The following PTGR1 variants were observed in gnomAD, a reference collection of about 807,000 sequenced individuals.
The protein encoded by PTGR1 is 15-oxoprostaglandin 13-reductase.
In PTGR1, 23 loss-of-function variants were observed where a neutral mutation model predicts 37.7. The observed-to-expected ratio is 0.61, with a 90% CI of 0.44 to 0.86. The LOEUF is 0.86. Among genes scored for constraint, PTGR1 ranks in the 40% least tolerant of loss-of-function variants. The pLI is 0.00. For synonymous variants in PTGR1, 134 were observed against 140.0 expected (o/e 0.96, Z 0.30); for missense variants, 351 against 394.3 (o/e 0.89, Z 0.93).
At position 111,594,549 on chromosome 9, in the gene PTGR1, C is replaced by CTTTT. The variant is rs71373753; in HGVS notation, c.107-286_107-283dup. ...GCCTGATGCCTTCGTTTTTGGCATT[C>CTTTT]TTTTTTTTTTTTTTTTTTTGAGAGG... On this transcript the variant is annotated intron_variant, in intron 2 of 9. Transcript: ENST00000407693. 1.1e-3 allele frequency among the ~76,000 whole-genome samples: 144 copies of CTTTT among 127,182 alleles called. 1 individual carries two copies. The highest frequency in any genetic ancestry group is 2.8e-3 in the African/African-American group (97 of 34,054). The allele number at this position is 127,182 out of a possible 152,430, so 83.4% of individuals were successfully genotyped here. A position where few individuals can be genotyped will look rare whatever the true frequency, so the allele number is the denominator to read the frequency against.
intron 9 of PTGR1, among the ~76,000 whole-genome samples, chr9:111,551,183 A>G (rs184915659): frequency 1.7e-4 from 26 of 152,304 alleles, no homozygotes; most frequent in Admixed American, 1.6e-3. Context: ...ATCAATGTAA[A>G]AAAGTATTGA....
At chr9:111,575,085 G>T (rs893879456) in intron 7 of PTGR1, among the ~76,000 whole-genome samples, 2 of 152,162 alleles carry the variant, frequency 1.3e-5, no homozygotes, top group African/African-American at 4.8e-5. Context: ...TGGATCACCT[G>T]AGGTCAGGCG....
intron 7 of PTGR1, among the ~76,000 whole-genome samples, chr9:111,578,301 T>C (rs1829148318): frequency 6.8e-6 from 1 of 148,014 alleles, no homozygotes; most frequent in Non-Finnish European, 1.5e-5. Context: ...AAGTACATTG[T>C]GTTTATTGTG....
intron 9 of PTGR1, among the ~76,000 whole-genome samples, chr9:111,557,000 A>AT (rs1828142806): frequency 6.6e-6 from 1 of 152,062 alleles, no homozygotes; most frequent in Admixed American, 6.5e-5. Context: ...CTGTGAAACC[A>AT]TTTTTTATCT....
At chr9:111,573,843 C>G (rs1322258) in intron 8 of PTGR1, among the ~76,000 whole-genome samples, 5 of 151,894 alleles carry the variant, frequency 3.3e-5, no homozygotes, top group African/African-American at 1.2e-4. Flanking sequence ...GAGTGTGGAG[C>G]GGGAGGGATG....
chr9:111,583,315 G>A (rs1467720540), intron 6 of PTGR1, among the ~76,000 whole-genome samples, 157 bp downstream of exon 6: 1 of 152,184 alleles, frequency 6.6e-6, no homozygotes, highest in Non-Finnish European at 1.5e-5. Flanking sequence ...CTTATCTTTG[G>A]TATAGTTTTC....
At chr9:111,561,511 C>T (rs1489647179), downstream of PTGR1, among the ~76,000 whole-genome samples, 1 of 152,152 alleles carries the variant, frequency 6.6e-6, no homozygotes, top group East Asian at 1.9e-4. Context: ...ATGATCTCAC[C>T]TTAGCCTCCC....
chr9:111,561,149 GAGA>G (rs1828302242), downstream of PTGR1, among the ~76,000 whole-genome samples: 2 of 15,906 alleles, frequency 1.3e-4, no homozygotes, highest in African/African-American at 1.0e-3. Context: ...GAGAGAGAGG[GAGA>G]GAGAGAGAGA....
At chr9:111,578,676 G>A in intron 7 of PTGR1, 120 bp downstream of exon 7, 2 of 840,420 alleles carry the variant, frequency 2.4e-6, no homozygotes, top group South Asian at 4.6e-5. Context: ...ACCTCCTGCT[G>A]TGCATCCCAG....
chr9:111,588,850 G>A (rs533618018), intron 4 of PTGR1, among the ~76,000 whole-genome samples: 3 of 152,120 alleles, frequency 2.0e-5, no homozygotes, highest in Non-Finnish European at 2.9e-5. Flanking sequence ...TTGTAGAGAC[G>A]GGGTTTACCA....
intron 9 of PTGR1, among the ~76,000 whole-genome samples, chr9:111,552,154 T>C (rs1239729780): frequency 1.3e-5 from 2 of 152,262 alleles, no homozygotes; most frequent in Admixed American, 1.3e-4. Flanking sequence ...TTTGATTGAA[T>C]ATTTGGTAAG....
rs960024427 is a variant in PTGR1, at chr9:111,571,042, G to A, written c.761-833C>T. 1.5e-5 allele frequency among the ~76,000 whole-genome samples: 2 copies of A among 132,388 alleles called. 1 individual carries two copies. The highest frequency in any genetic ancestry group is 1.7e-4 in the Admixed American group (2 of 12,108). 86.9% of individuals were successfully genotyped at this position (132,388 alleles called of 152,430 possible). A position where few individuals can be genotyped will look rare whatever the true frequency, so the allele number is the denominator to read the frequency against. ...GCTAGAAGCTTGAAAAGGCAAGGAA[G>A]CAGATTCTCCTCTAGCATCTTCAGA... On this transcript the variant is annotated intron_variant, in intron 8 of 9. Coordinates refer to ENST00000407693, the MANE Select transcript of PTGR1 (RefSeq NM_001146108.2).
chr9:111,576,386 A>G, intron 7 of PTGR1: 2 of 1,614,156 alleles, frequency 1.2e-6, no homozygotes, highest in Non-Finnish European at 1.7e-6. Flanking sequence ...GCAGTAAAAA[A>G]GATGCAGATG....
downstream of PTGR1, among the ~76,000 whole-genome samples, chr9:111,559,575 C>T (rs1173483416): frequency 6.6e-6 from 1 of 151,646 alleles, no homozygotes; most frequent in Non-Finnish European, 1.5e-5. Flanking sequence ...TCTTCCTGCT[C>T]ACCAGTGTCC....
intron 4 of PTGR1, chr9:111,589,395 A>C: frequency 1.1e-6 from 1 of 889,684 alleles, no homozygotes; most frequent in African/African-American, 1.8e-5. Context: ...AGTCATTGAG[A>C]CACAAAATTT....
chr9:111,590,304 C>A (rs138590073), intron 4 of PTGR1, among the ~76,000 whole-genome samples: 51 of 152,202 alleles, frequency 3.4e-4, no homozygotes, highest in African/African-American at 1.2e-3. Flanking sequence ...GTTGCCGAGA[C>A]TGATGATGAA....
chr9:111,599,379 G>GC (rs1829875602), intron 1 of PTGR1: 1 of 152,306 alleles, frequency 6.6e-6, no homozygotes, highest in Non-Finnish European at 1.5e-5. Context: ...TATTCCCTCC[G>GC]GCGCGCGGCT....
At chr9:111,587,822 G>T (rs568520432) in intron 4 of PTGR1, among the ~76,000 whole-genome samples, 1 of 152,112 alleles carries the variant, frequency 6.6e-6, no homozygotes, top group East Asian at 1.9e-4. Flanking sequence ...TCAACATTAC[G>T]TTGGTCTATA....
intron 6 of PTGR1, among the ~76,000 whole-genome samples, chr9:111,579,468 C>T (rs772575709): frequency 1.3e-5 from 2 of 152,156 alleles, no homozygotes; most frequent in Non-Finnish European, 2.9e-5. Flanking sequence ...ACGAACATGG[C>T]TCACTGCAAC....
Sources: gnomAD v4.1 joint callset for allele counts (sites outside exome capture counted in the v4.1 genomes callset) on GRCh38, gnomAD v4.1.1 for gene constraint, MANE v1.5 for transcripts, NCBI Gene and HGNC (gene_info 2026-07-23, HGNC 2026-07-21) for gene names.